Variants in CDH6 observed in about 807,000 individuals in gnomAD.
CDH6 encodes cadherin 6.
In CDH6, 31 loss-of-function variants were observed where a neutral mutation model predicts 78.0. That is an observed-to-expected ratio of 0.40 (90% CI 0.30 to 0.54). The LOEUF is 0.54. Among genes scored for constraint, CDH6 ranks in the 20% least tolerant of loss-of-function variants. CDH6 has a pLI of 0.56. For synonymous variants in CDH6, 376 were observed against 368.8 expected (o/e 1.02, Z -0.23); for missense variants, 724 against 975.9 (o/e 0.74, Z 3.44).
intron 11 of CDH6, chr5:31,318,279 C>A (rs565256439): frequency 2.6e-4 from 135 of 526,438 alleles, no homozygotes; most frequent in Middle Eastern, 1.5e-3. Context: ...AAGTGTCTGG[C>A]ATGGAGTGTA....
rs768523224 is a variant in CDH6, at chr5:31,317,761, C to T, written c.1719C>T (p.Asn573=). The T allele has an allele frequency of 6.2e-7, 1 of 1,614,140 alleles. No individual in the cohort carries two copies. Among genetic ancestry groups the T allele is most frequent in the Non-Finnish European group, 8.5e-7 (1 of 1,180,030 alleles). The change falls in exon 11 of 12, where the codon AAC becomes AAT. Residue 573 remains asparagine, a synonymous_variant. Transcript: ENST00000265071. ...TYLLPVVISD[N]DYPVQSSTGT... ...TCTTGCCTGTGGTCATTTCAGACAA[C>T]GACTACCCAGTTCAAAGCAGCACTG...
At chr5:31,298,945 A>G (rs1478492608) in intron 4 of CDH6, among the ~76,000 whole-genome samples, 1 of 152,182 alleles carries the variant, frequency 6.6e-6, no homozygotes, top group African/African-American at 2.4e-5. Context: ...TACAATTTAG[A>G]AAATCCTCAG....
At chr5:31,304,583 G>C (rs938577073) in intron 6 of CDH6, among the ~76,000 whole-genome samples, 1 of 151,226 alleles carries the variant, frequency 6.6e-6, no homozygotes, top group African/African-American at 2.4e-5. Context: ...TACTCGGGAG[G>C]CTGAGGCAGG....
At chr5:31,236,774 C>T (rs1741466019) in intron 1 of CDH6, among the ~76,000 whole-genome samples, 2 of 152,122 alleles carry the variant, frequency 1.3e-5, no homozygotes, top group African/African-American at 4.8e-5. Flanking sequence ...AAATCTGGTC[C>T]CTCATGCTGG....
chr5:31,296,980 G>A (rs988035520), intron 3 of CDH6, among the ~76,000 whole-genome samples: 51 of 152,050 alleles, frequency 3.4e-4, no homozygotes, highest in African/African-American at 1.2e-3. Context: ...CTTTGTCCTG[G>A]ATAACTCGAA....
chr5:31,282,275 A>G (rs1359784617), intron 2 of CDH6, among the ~76,000 whole-genome samples: 1 of 151,902 alleles, frequency 6.6e-6, no homozygotes, highest in Non-Finnish European at 1.5e-5. Flanking sequence ...GCTTCAGGGA[A>G]GGATCCATTT....
In CDH6 at chr5:31,328,633, G is replaced by GATTAAA. The variant is rs1738668457; in HGVS notation, c.*5328_*5329insAAAATT. Reference sequence around the variant, plus strand: ...AAGCAATTTGGCATTCTCCCACTGTGATTTGTGACTTTTAAACCCACAAAA... The same window carrying GATTAAA: ...AAGCAATTTGGCATTCTCCCACTGTGATTAAAATTTGTGACTTTTAAACCCACAAAA... On this transcript the variant is annotated 3_prime_UTR_variant, in exon 12 of 12. Transcript: ENST00000265071. 3 of 206,872 alleles carry GATTAAA rather than the reference G, an allele frequency of 1.5e-5. No individual in the cohort carries two copies. In the East Asian group the frequency reaches 2.2e-4, roughly 15 times the overall value. 12.8% of individuals were successfully genotyped at this position (206,872 alleles called of 1,614,324 possible). A position where few individuals can be genotyped will look rare whatever the true frequency, so the allele number is the denominator to read the frequency against.
chr5:31,281,620 T>C (rs1561056088), intron 2 of CDH6, among the ~76,000 whole-genome samples: 1 of 152,190 alleles, frequency 6.6e-6, no homozygotes, highest in Non-Finnish European at 1.5e-5. Context: ...AATGCCTTTT[T>C]GGGGAAATAA....
chr5:31,200,944 C>CT lies in CDH6; in HGVS notation c.-129+7060dup, dbSNP rs1416969078. On this transcript the variant is annotated intron_variant, in intron 1 of 11. Transcript: ENST00000265071. ...CTTAAAGATGACTTTATCTAATACT[C>CT]TTCATTTAACTGTGAGATAACTGAT... Among the ~76,000 whole-genome samples, 3 of 152,282 alleles carry CT rather than the reference C, an allele frequency of 2.0e-5. No homozygotes were observed. In the East Asian group the frequency reaches 5.8e-4, roughly 29 times the overall value.
chr5:31,212,895 C>A (rs1241488519), intron 1 of CDH6, among the ~76,000 whole-genome samples: 3 of 152,164 alleles, frequency 2.0e-5, no homozygotes, highest in Non-Finnish European at 4.4e-5. Context: ...GTAGGTGCCC[C>A]TGGACACCTT....
At chr5:31,258,765 A>G (rs1742127431) in intron 1 of CDH6, among the ~76,000 whole-genome samples, 1 of 152,128 alleles carries the variant, frequency 6.6e-6, no homozygotes, top group Non-Finnish European at 1.5e-5. Flanking sequence ...TAAGTTTTGT[A>G]ACAACTCTTT....
chr5:31,302,903 A>AAAAG (rs70953502), intron 6 of CDH6, among the ~76,000 whole-genome samples: 10,203 of 90,306 alleles, frequency 0.11, 577 homozygotes, highest in African/African-American at 0.15. Flanking sequence ...AAGAAAGAAA[A>AAAAG]AAAGAAAGAA....
intron 2 of CDH6, among the ~76,000 whole-genome samples, chr5:31,276,206 A>G (rs1365896576): frequency 1.3e-5 from 2 of 151,624 alleles, no homozygotes; most frequent in Non-Finnish European, 1.5e-5. Flanking sequence ...GAAGTACAGA[A>G]TTCCCCATAA....
At chr5:31,312,970 C>CACACAT (rs1354012903) in intron 7 of CDH6, among the ~76,000 whole-genome samples, 1 of 151,608 alleles carries the variant, frequency 6.6e-6, no homozygotes, top group East Asian at 1.9e-4. Flanking sequence ...CACACACACA[C>CACACAT]ATTAAAGTTC....
At chr5:31,209,781 ATCTT>A (rs567555727) in intron 1 of CDH6, among the ~76,000 whole-genome samples, 19 of 152,268 alleles carry the variant, frequency 1.2e-4, no homozygotes, top group African/African-American at 4.3e-4. Context: ...AAATTTCAGG[ATCTT>A]TCTATCTCCC....
intron 1 of CDH6, among the ~76,000 whole-genome samples, chr5:31,247,485 G>A (rs1741784205): frequency 2.0e-5 from 3 of 152,288 alleles, no homozygotes; most frequent in South Asian, 2.1e-4. Context: ...CACATTGACT[G>A]GAGAGGATTG....
intron 11 of CDH6, among the ~76,000 whole-genome samples, chr5:31,320,781 G>A (rs1319939893): frequency 1.3e-5 from 2 of 151,952 alleles, no homozygotes; most frequent in African/African-American, 4.8e-5. Flanking sequence ...AGTTCGAGAC[G>A]AGCCTAATCC....
intron 1 of CDH6, among the ~76,000 whole-genome samples, chr5:31,231,990 C>G (rs1013485764): frequency 2.0e-5 from 3 of 152,172 alleles, no homozygotes; most frequent in African/African-American, 7.2e-5. Flanking sequence ...ATTTGTTTCT[C>G]TTGTTCTGCA....
At position 31,276,994 on chromosome 5, in the gene CDH6, G is replaced by A. The variant is rs772818763; in HGVS notation, c.228+9293G>A. Among the ~76,000 whole-genome samples the A allele has an allele frequency of 3.6e-4, 55 of 152,148 alleles. 1 individual carries two copies. The highest frequency in any genetic ancestry group is 1.3e-4 in the Admixed American group (2 of 15,264). ...ACAGGTGAAATGGAGAGAAAGAAGA[G>A]CCAAAGGTGAACAGGTGATCCCACT... On this transcript the variant is annotated intron_variant, in intron 2 of 11. Transcript: ENST00000265071.
Sources: gnomAD v4.1 joint callset for allele counts (sites outside exome capture counted in the v4.1 genomes callset) on GRCh38, gnomAD v4.1.1 for gene constraint, MANE v1.5 for transcripts, NCBI Gene and HGNC (gene_info 2026-07-23, HGNC 2026-07-21) for gene names.